Variants in FAM169A observed in about 807,000 individuals in gnomAD.
FAM169A encodes soluble lamin-associated protein of 75 kDa.
A neutral mutation model predicts 75.7 loss-of-function variants in FAM169A; 24 were observed. That is an observed-to-expected ratio of 0.32 (90% CI 0.23 to 0.45). The LOEUF is 0.45. Among genes scored for constraint, FAM169A ranks in the 20% least tolerant of loss-of-function variants. The pLI is 1.00. For synonymous variants in FAM169A, 271 were observed against 271.0 expected (o/e 1.00, Z 0.00); for missense variants, 673 against 784.0 (o/e 0.86, Z 1.69).
chr5:74,865,923 GCA>G (rs1178875703), intron 1 of FAM169A: 1 of 152,268 alleles, frequency 6.6e-6, no homozygotes. Flanking sequence ...GGAGGCCGGC[GCA>G]CCTGGGGGCG....
At chr5:74,863,012 C>T (rs1185263715) in intron 1 of FAM169A, among the ~76,000 whole-genome samples, 1 of 132,040 alleles carries the variant, frequency 7.6e-6, no homozygotes, top group Non-Finnish European at 1.6e-5. Context: ...GTAACCAAAA[C>T]TGTATTCATT....
intron 11 of FAM169A, among the ~76,000 whole-genome samples, chr5:74,786,221 C>A (rs1441533537): frequency 6.6e-6 from 1 of 152,128 alleles, no homozygotes; most frequent in Non-Finnish European, 1.5e-5. Flanking sequence ...TATTGTGGGA[C>A]CTTGTGATCA....
At chr5:74,801,722 A>T (rs1746589246) in intron 8 of FAM169A, 93 bp from the exon 9 acceptor site, 2 of 926,638 alleles carry the variant, frequency 2.2e-6, no homozygotes, top group Non-Finnish European at 3.4e-6. Context: ...AAACTTGTAA[A>T]ATGTTTTCCA....
chr5:74,784,538 C>CAAAAAAAAAAAAAAAAAAAAAA (rs1745581319), intron 11 of FAM169A, among the ~76,000 whole-genome samples: 1 of 106,516 alleles, frequency 9.4e-6, no homozygotes, highest in African/African-American at 4.9e-5. Context: ...AACAAGAAAC[C>CAAAAAAAAAAAAAAAAAAAAAA]AAAGTGCAAT....
intron 4 of FAM169A, among the ~76,000 whole-genome samples, chr5:74,836,019 C>T (rs902251772): frequency 6.6e-6 from 1 of 152,190 alleles, no homozygotes; most frequent in African/African-American, 2.4e-5. Flanking sequence ...ATTTGGGGTA[C>T]TCTTGCCATT....
intron 1 of FAM169A, among the ~76,000 whole-genome samples, chr5:74,846,055 A>G (rs755213055): frequency 6.6e-5 from 10 of 152,360 alleles, no homozygotes; most frequent in Non-Finnish European, 1.2e-4. Context: ...AACAGAACGT[A>G]ATAACTGTTT....
intron 10 of FAM169A, chr5:74,799,824 G>A (rs1176888091): frequency 4.7e-6 from 5 of 1,070,392 alleles, no homozygotes; most frequent in Non-Finnish European, 7.3e-6. Context: ...CGATGACCGT[G>A]GCTGCCTGAC....
chr5:74,841,700 C>G (rs764058849), intron 1 of FAM169A, 21 bp from the exon 2 acceptor site: 1 of 1,590,922 alleles, frequency 6.3e-7, no homozygotes. Flanking sequence ...CAACATGGAA[C>G]AAACAATTCA....
At chr5:74,832,661 T>G (rs1748375486) in intron 5 of FAM169A, among the ~76,000 whole-genome samples, 2 of 149,252 alleles carry the variant, frequency 1.3e-5, no homozygotes, top group Admixed American at 6.7e-5. Flanking sequence ...TAACATTTAT[T>G]TATATATATA....
chr5:74,798,817 T>C (rs542615954), intron 10 of FAM169A, among the ~76,000 whole-genome samples: 1 of 152,314 alleles, frequency 6.6e-6, no homozygotes, highest in Non-Finnish European at 1.5e-5. Flanking sequence ...TTTATGGTTA[T>C]CACTAATTTA....
At chr5:74,827,252 A>G (rs1748081885) in intron 5 of FAM169A, among the ~76,000 whole-genome samples, 1 of 152,006 alleles carries the variant, frequency 6.6e-6, no homozygotes, top group Non-Finnish European at 1.5e-5. Flanking sequence ...AAACTATTAC[A>G]CCCTTCTTTT....
chr5:74,794,778 C>CAAAAAA (rs980861741), intron 11 of FAM169A, among the ~76,000 whole-genome samples: 1 of 65,764 alleles, frequency 1.5e-5, no homozygotes, highest in East Asian at 5.0e-4. Context: ...AACTCCGTCT[C>CAAAAAA]AAAAAAAAAA....
chr5:74,825,513 TTCTC>T (rs1048244955), intron 5 of FAM169A, among the ~76,000 whole-genome samples: 2 of 152,314 alleles, frequency 1.3e-5, no homozygotes, highest in East Asian at 1.9e-4. Context: ...CTCCTTTCTT[TTCTC>T]TCTTAGTTTC....
At chr5:74,844,153 C>T (rs1196863904) in intron 1 of FAM169A, among the ~76,000 whole-genome samples, 2 of 152,114 alleles carry the variant, frequency 1.3e-5, no homozygotes, top group Admixed American at 1.3e-4. Context: ...GATTTATTTA[C>T]TCTTGAAAAT....
intron 1 of FAM169A, among the ~76,000 whole-genome samples, chr5:74,863,654 A>C (rs1258207005): frequency 2.0e-5 from 3 of 152,212 alleles, no homozygotes; most frequent in African/African-American, 4.8e-5. Context: ...TTTAGGTAGG[A>C]GCTAATAGAG....
intron 5 of FAM169A, among the ~76,000 whole-genome samples, chr5:74,814,748 T>C (rs1747382878): frequency 6.6e-6 from 1 of 152,228 alleles, no homozygotes; most frequent in Non-Finnish European, 1.5e-5. Context: ...CTGCTCTATA[T>C]CTGGGTTTTG....
rs369186661 is a variant in FAM169A at position 74,801,534 on chromosome 5, C to T, written c.952+56G>A. The T allele has an allele frequency of 3.0e-5, 40 of 1,313,580 alleles. No homozygotes were observed. The South Asian group carries it at 3.3e-4, about 11-fold the overall frequency. The allele number at this position is 1,313,580 out of a possible 1,614,324, so 81.4% of individuals were successfully genotyped here. On this transcript the variant is annotated intron_variant, in intron 9 of 12. Coordinates refer to ENST00000687041, the MANE Select transcript of FAM169A (RefSeq NM_001376049.1). ...ACACATGCATGCACACACACACACA[C>T]AGCCCTAATTTGAAGTGTCTCAAAT...
At chr5:74,807,053 T>C (rs566443219) in intron 6 of FAM169A, among the ~76,000 whole-genome samples, 2 of 152,180 alleles carry the variant, frequency 1.3e-5, no homozygotes, top group Non-Finnish European at 2.9e-5. Flanking sequence ...TGAAAAGGCT[T>C]TTATGATCCA....
At chr5:74,811,207 T>C (rs569658931) in intron 6 of FAM169A, among the ~76,000 whole-genome samples, 2 of 152,184 alleles carry the variant, frequency 1.3e-5, no homozygotes, top group African/African-American at 4.8e-5. Flanking sequence ...TAGTCTTGCA[T>C]TCTTGGCCTC....
Sources: gnomAD v4.1 joint callset for allele counts (sites outside exome capture counted in the v4.1 genomes callset) on GRCh38, gnomAD v4.1.1 for gene constraint, MANE v1.5 for transcripts, NCBI Gene and HGNC (gene_info 2026-07-23, HGNC 2026-07-21) for gene names.